SLC25A26: variants seen among roughly 807,000 people sequenced by gnomAD.
The protein encoded by SLC25A26 is mitochondrial S-adenosylmethionine carrier protein.
Under a neutral mutation model 37.8 loss-of-function variants are expected in SLC25A26, and 36 were observed. The ratio of observed to expected loss-of-function variants is 0.95; its 90% CI spans 0.73 to 1.26. The LOEUF (loss-of-function observed/expected upper bound fraction) is 1.26, where lower values mean the gene tolerates loss of function less well. Among genes scored for constraint, SLC25A26 ranks in the 50% most tolerant of loss-of-function variants. The pLI, the probability that SLC25A26 is intolerant of heterozygous loss-of-function variation, is 0.00. For synonymous variants in SLC25A26, 129 were observed against 122.5 expected, an observed-to-expected ratio of 1.05 and a Z score of -0.35; for missense variants, 390 against 331.1, an observed-to-expected ratio of 1.18 and a Z score of -1.38.
chr3:66,320,172 C>T (rs1456062390), intron 5 of SLC25A26, among the ~76,000 whole-genome samples: 2 of 152,106 alleles, frequency 1.3e-5, no homozygotes, highest in Admixed American at 6.5e-5. Context: ...GCATTAATTA[C>T]ATTCAGTGTT....
intron 7 of SLC25A26, among the ~76,000 whole-genome samples, chr3:66,363,464 A>G (rs762848693): frequency 1.3e-5 from 2 of 152,242 alleles, no homozygotes; most frequent in African/African-American, 2.4e-5. Flanking sequence ...TTTTCGAGAC[A>G]TTAAAGCAAG....
intron 3 of SLC25A26, among the ~76,000 whole-genome samples, chr3:66,251,278 G>A (rs146453200): frequency 9.5e-4 from 145 of 152,230 alleles, no homozygotes; most frequent in Middle Eastern, 3.4e-3. Flanking sequence ...ACTATTAAAG[G>A]AATCCCCAGG....
chr3:66,332,003 C>G (rs1302206242), intron 5 of SLC25A26, among the ~76,000 whole-genome samples: 1 of 139,376 alleles, frequency 7.2e-6, no homozygotes, highest in African/African-American at 3.4e-5. Flanking sequence ...ACGATCTTGG[C>G]TCGCTGCATC....
At chr3:66,135,307 C>G (rs1326319654) in intron 1 of SLC25A26, among the ~76,000 whole-genome samples, 1 of 152,142 alleles carries the variant, frequency 6.6e-6, no homozygotes, top group East Asian at 1.9e-4. Context: ...CTTTCTGAAA[C>G]TTAGCTTTAG....
At chr3:66,303,387 G>A (rs1345841667) in intron 5 of SLC25A26, among the ~76,000 whole-genome samples, 1 of 152,188 alleles carries the variant, frequency 6.6e-6, no homozygotes, top group Non-Finnish European at 1.5e-5. Context: ...GTCCTCTGCT[G>A]CTCGTTAGCC....
In SLC25A26 at chr3:66,197,263, T is replaced by C. The variant is rs992780125; in HGVS notation, c.-353-23479T>C. On this transcript the variant is annotated intron_variant, in intron 1 of 10. Coordinates refer to the SLC25A26 transcript ENST00000676754. ...CCTTACACAATGAGTATCGGTCAGA[T>C]TCAGGGTGAAGGTCAGTGTCAGAGT... Among the ~76,000 whole-genome samples, 154 of 152,236 alleles carry C rather than the reference T, an allele frequency of 1.0e-3. 5 individuals are homozygous for C. The highest frequency in any genetic ancestry group is 3.4e-3 in the African/African-American group (141 of 41,548).
At chr3:66,293,595 G>A (rs760049663) in intron 5 of SLC25A26, among the ~76,000 whole-genome samples, 5 of 151,258 alleles carry the variant, frequency 3.3e-5, no homozygotes, top group Non-Finnish European at 7.4e-5. Context: ...GTGGATCTAT[G>A]TGTTCTCATC....
In SLC25A26 at chr3:66,346,713, TGC is replaced by T. The variant is rs1284376699; in HGVS notation, c.498+307_498+308del. 2.6e-3 allele frequency among the ~76,000 whole-genome samples: 320 copies of T among 122,402 alleles called. 10 individuals carry two copies. In the East Asian group the frequency reaches 0.063, roughly 24 times the overall value. 80.3% of individuals were successfully genotyped at this position (122,402 alleles called of 152,430 possible). A position where few individuals can be genotyped will look rare whatever the true frequency, so the allele number is the denominator to read the frequency against. On this transcript the variant is annotated intron_variant, in intron 6 of 9. Transcript: ENST00000354883. Reference sequence around the variant, plus strand: ...CACCGTTAAATTTCATTTTGCTGTGTGCGTGTGTGTGTGTGTGTGTGTGTGTG... The same window carrying T: ...CACCGTTAAATTTCATTTTGCTGTGTGTGTGTGTGTGTGTGTGTGTGTGTG...
intron 5 of SLC25A26, among the ~76,000 whole-genome samples, chr3:66,316,931 T>A (rs2107625195): frequency 6.6e-6 from 1 of 152,344 alleles, no homozygotes; most frequent in East Asian, 1.9e-4. Context: ...GAAGGTCTCA[T>A]GTTGTGTTTT....
intron 1 of SLC25A26, among the ~76,000 whole-genome samples, chr3:66,137,018 A>G (rs2069956543): frequency 6.6e-6 from 1 of 152,078 alleles, no homozygotes; most frequent in Non-Finnish European, 1.5e-5. Context: ...ATTTATGATA[A>G]TAGCACAAAG....
chr3:66,303,409 G>C (rs1392758961), intron 5 of SLC25A26, among the ~76,000 whole-genome samples: 1 of 152,166 alleles, frequency 6.6e-6, no homozygotes, highest in Non-Finnish European at 1.5e-5. Flanking sequence ...TGTGAACCTG[G>C]GGAGGCTAGC....
chr3:66,353,333 C>G (rs551180078), intron 6 of SLC25A26, among the ~76,000 whole-genome samples: 34 of 152,300 alleles, frequency 2.2e-4, no homozygotes, highest in African/African-American at 7.7e-4. Context: ...TCCTGTTCAT[C>G]TTCATGACAG....
chr3:66,311,973 G>A (rs2075391489), intron 5 of SLC25A26, among the ~76,000 whole-genome samples: 1 of 152,134 alleles, frequency 6.6e-6, no homozygotes, highest in Non-Finnish European at 1.5e-5. Context: ...TGGGGGTCAG[G>A]GACCCACTTG....
At chr3:66,279,070 A>G (rs560232853) in intron 5 of SLC25A26, among the ~76,000 whole-genome samples, 15 of 152,322 alleles carry the variant, frequency 9.8e-5, no homozygotes, top group South Asian at 2.1e-4. Context: ...CTTGCACTCT[A>G]TCAGTTGCTA....
chr3:66,214,746 T>C (rs1460506605), intron 1 of SLC25A26, among the ~76,000 whole-genome samples: 3 of 152,350 alleles, frequency 2.0e-5, no homozygotes, highest in Non-Finnish European at 4.4e-5. Context: ...GTCAAATTTA[T>C]TTTAATTTTA....
intron 9 of SLC25A26, 98 bp downstream of exon 9, chr3:66,370,700 G>A (rs762188312): frequency 4.4e-5 from 40 of 908,278 alleles, no homozygotes; most frequent in South Asian, 6.5e-5. Context: ...TTCTGCTTAT[G>A]TTCTGCTTTG....
intron 1 of SLC25A26, among the ~76,000 whole-genome samples, chr3:66,148,626 G>A (rs766284180): frequency 6.6e-6 from 1 of 152,252 alleles, no homozygotes; most frequent in Non-Finnish European, 1.5e-5. Context: ...ACAGCACATT[G>A]TGAAGATACA....
intron 1 of SLC25A26, among the ~76,000 whole-genome samples, chr3:66,178,739 G>C (rs1449382949): frequency 6.6e-6 from 1 of 152,162 alleles, no homozygotes; most frequent in Non-Finnish European, 1.5e-5. Context: ...TAATTAAAGA[G>C]ATGGAAATTG....
intron 6 of SLC25A26, 110 bp from the exon 7 acceptor site, chr3:66,362,750 C>A: frequency 4.9e-6 from 3 of 610,668 alleles, no homozygotes; most frequent in Non-Finnish European, 8.2e-6. Flanking sequence ...GTAAAGAATG[C>A]CACCAAAATA....
Sources: allele counts gnomAD v4.1 joint callset (sites outside exome capture counted in the v4.1 genomes callset), GRCh38; gene constraint gnomAD v4.1.1; transcripts MANE v1.5; gene names NCBI Gene and HGNC (gene_info 2026-07-23, HGNC 2026-07-21).